The following TFB2M variants were observed in gnomAD, a reference collection of about 807,000 sequenced individuals.
The protein encoded by TFB2M is transcription factor B2, mitochondrial.
In TFB2M, 44 loss-of-function variants were observed where a neutral mutation model predicts 41.3. The ratio of observed to expected loss-of-function variants is 1.07; its 90% CI spans 0.84 to 1.37. The LOEUF is 1.37. Among genes scored for constraint, TFB2M ranks in the 40% most tolerant of loss-of-function variants. TFB2M has a pLI of 0.00. For synonymous variants in TFB2M, 188 were observed against 176.8 expected (o/e 1.06, Z -0.50); for missense variants, 496 against 490.2 (o/e 1.01, Z -0.11).
intron 7 of TFB2M, among the ~76,000 whole-genome samples, chr1:246,543,620 G>A (rs1326771001): frequency 6.6e-6 from 1 of 151,094 alleles, no homozygotes; most frequent in Non-Finnish European, 1.5e-5. Flanking sequence ...ACAGAGGTGT[G>A]TGCATCAGCC....
At chr1:246,549,007 A>G (rs1659096553) in intron 5 of TFB2M, among the ~76,000 whole-genome samples, 1 of 152,224 alleles carries the variant, frequency 6.6e-6, no homozygotes, top group South Asian at 2.1e-4. Context: ...AACTATTTGA[A>G]TATGTTAGAA....
intron 2 of TFB2M, among the ~76,000 whole-genome samples, chr1:246,560,171 G>C (rs1659419198): frequency 1.3e-5 from 2 of 152,034 alleles, no homozygotes; most frequent in Admixed American, 1.3e-4. Context: ...TGATGTTTCA[G>C]GGTGGCCTAG....
intron 6 of TFB2M, 130 bp downstream of exon 6, chr1:246,548,415 T>C: frequency 1.4e-6 from 1 of 693,372 alleles, no homozygotes; most frequent in Non-Finnish European, 2.3e-6. Flanking sequence ...TAGTAAGATA[T>C]GTTTAAAGAA....
chr1:246,542,911 T>C (rs1658902129), intron 7 of TFB2M, among the ~76,000 whole-genome samples: 1 of 151,384 alleles, frequency 6.6e-6, no homozygotes, highest in Non-Finnish European at 1.5e-5. Flanking sequence ...TTTTTTTTTT[T>C]TTTTTTTAGA....
At position 246,556,186 on chromosome 1, in the gene TFB2M, C is replaced by A. The variant is rs576770031; in HGVS notation, c.705+387G>T. On this transcript the variant is annotated intron_variant, in intron 4 of 7. Coordinates refer to ENST00000366514, the MANE Select transcript of TFB2M (RefSeq NM_022366.3). Reference sequence around the variant, plus strand: ...AAAACATTATGCTAAGTGAAATACGCCAGACACAAAGAAATATTGTAGAGT... The same window carrying A: ...AAAACATTATGCTAAGTGAAATACGACAGACACAAAGAAATATTGTAGAGT... Among the ~76,000 whole-genome samples the A allele has an allele frequency of 1.1e-4, 17 of 152,152 alleles. No homozygotes were observed. The South Asian group carries it at 3.3e-3, about 30-fold the overall frequency.
intron 2 of TFB2M, among the ~76,000 whole-genome samples, chr1:246,559,483 G>A (rs781065749): frequency 1.3e-5 from 2 of 152,116 alleles, no homozygotes; most frequent in African/African-American, 2.4e-5. Flanking sequence ...CAGGAGGCAG[G>A]GGTTGCAGAG....
At chr1:246,561,603 G>C (rs531485879) in intron 2 of TFB2M, among the ~76,000 whole-genome samples, 2 of 152,132 alleles carry the variant, frequency 1.3e-5, no homozygotes, top group Non-Finnish European at 2.9e-5. Flanking sequence ...AAGTAACTGG[G>C]ATTACAGGCA....
At chr1:246,560,569 C>T (rs1224599080) in intron 2 of TFB2M, among the ~76,000 whole-genome samples, 4 of 152,166 alleles carry the variant, frequency 2.6e-5, no homozygotes, top group South Asian at 4.1e-4. Flanking sequence ...TTTATGGCCT[C>T]AATACACTTG....
At chr1:246,555,242 T>C (rs776186761) in intron 4 of TFB2M, among the ~76,000 whole-genome samples, 3 of 152,164 alleles carry the variant, frequency 2.0e-5, no homozygotes, top group Non-Finnish European at 4.4e-5. Context: ...CTGGTAGGAA[T>C]ATCAAATGGT....
Position 246,541,002 on chromosome 1 carries a change from C to G in TFB2M, c.*29G>C, listed in dbSNP as rs762574008. On this transcript the variant is annotated 3_prime_UTR_variant, in exon 8 of 8. Coordinates refer to ENST00000366514, the MANE Select transcript of TFB2M (RefSeq NM_022366.3). ...ATGTCATAGTTTCCAAATAAATGAA[C>G]CGCTCCACCAAAAACGACAGTCTAG... 1.3e-6 allele frequency: 2 copies of G among 1,574,340 alleles called. No individual in the cohort carries two copies. The highest frequency in any genetic ancestry group is 4.5e-5 in the East Asian group (2 of 44,142).
chr1:246,557,364 T>G lies in TFB2M; in HGVS notation c.556+17A>C, dbSNP rs761939863. 10 of 1,606,432 alleles carry G rather than the reference T, an allele frequency of 6.2e-6. No individual in the cohort carries two copies. The highest frequency in any genetic ancestry group is 8.5e-6 in the Non-Finnish European group (10 of 1,178,090). On this transcript the variant is annotated intron_variant, in intron 3 of 7. Transcript: ENST00000366514. ...GGCAAATTCTAGGTATTTGCTTTAGTAAATTCCAAAAATGACCTGCTGTCC... is the reference window on the plus strand; with the variant it reads ...GGCAAATTCTAGGTATTTGCTTTAGGAAATTCCAAAAATGACCTGCTGTCC...
Position 246,540,565 on chromosome 1 carries a change from TATTTA to T in TFB2M, c.*461_*465del, listed in dbSNP as rs1315760116. On this transcript the variant is annotated 3_prime_UTR_variant, in exon 8 of 8. Coordinates refer to ENST00000366514, the MANE Select transcript of TFB2M (RefSeq NM_022366.3). ...ACCAAAAGAAACCACAAAATCTTCTTATTTAAAATATTTTAATTTCTAAAAAGCTT... is the reference window on the plus strand; with the variant it reads ...ACCAAAAGAAACCACAAAATCTTCTTAAATATTTTAATTTCTAAAAAGCTT... 6.5e-6 allele frequency: 1 copy of T among 152,768 alleles called. No individual in the cohort carries two copies. Among genetic ancestry groups the T allele is most frequent in the African/African-American group, 2.4e-5 (1 of 41,446 alleles). 9.5% of individuals were successfully genotyped at this position (152,768 alleles called of 1,614,324 possible).
At chr1:246,545,219 G>C (rs1423095362) in intron 6 of TFB2M, among the ~76,000 whole-genome samples, 1 of 152,156 alleles carries the variant, frequency 6.6e-6, no homozygotes, top group Non-Finnish European at 1.5e-5. Flanking sequence ...AGGAGATAAC[G>C]TCTCTCTCCA....
intron 4 of TFB2M, among the ~76,000 whole-genome samples, chr1:246,552,613 C>T (rs180706364): frequency 6.6e-6 from 1 of 152,076 alleles, no homozygotes; most frequent in Non-Finnish European, 1.5e-5. Flanking sequence ...GCAGGAGTGT[C>T]ACTTGAGCCC....
At chr1:246,554,715 C>A (rs1247762541) in intron 4 of TFB2M, among the ~76,000 whole-genome samples, 2 of 152,084 alleles carry the variant, frequency 1.3e-5, no homozygotes, top group African/African-American at 2.4e-5. Flanking sequence ...GCACTTGAAT[C>A]ATCCTGAAAC....
intron 4 of TFB2M, among the ~76,000 whole-genome samples, chr1:246,552,961 C>A (rs1305447776): frequency 6.6e-6 from 1 of 151,270 alleles, no homozygotes. Flanking sequence ...GTGGCTCATA[C>A]CTGTAATCCC....
At chr1:246,550,831 C>T (rs538040428) in intron 5 of TFB2M, among the ~76,000 whole-genome samples, 1 of 152,184 alleles carries the variant, frequency 6.6e-6, no homozygotes, top group East Asian at 1.9e-4. Context: ...TGCAGTGAGC[C>T]GAGATCGAAC....
At chr1:246,556,439 C>T in intron 4 of TFB2M, 134 bp downstream of exon 4, 1 of 667,828 alleles carries the variant, frequency 1.5e-6, no homozygotes, top group Non-Finnish European at 2.3e-6. Context: ...GAGCATAAGA[C>T]TGCTCTGCAG....
At chr1:246,553,885 A>G (rs1659247290) in intron 4 of TFB2M, among the ~76,000 whole-genome samples, 1 of 152,238 alleles carries the variant, frequency 6.6e-6, no homozygotes, top group South Asian at 2.1e-4. Context: ...GGAAACTCAA[A>G]TAGCCTAAAC....
Sources: allele counts gnomAD v4.1 joint callset (sites outside exome capture counted in the v4.1 genomes callset), GRCh38; gene constraint gnomAD v4.1.1; transcripts MANE v1.5; gene names NCBI Gene and HGNC (gene_info 2026-07-23, HGNC 2026-07-21).